SAMD4A: variants seen among roughly 807,000 people sequenced by gnomAD.
SAMD4A encodes sterile alpha motif domain containing 4A.
In SAMD4A, 33 loss-of-function variants were observed where a neutral mutation model predicts 81.3. The ratio of observed to expected loss-of-function variants is 0.41; its 90% CI spans 0.31 to 0.54. The LOEUF (loss-of-function observed/expected upper bound fraction) is 0.54. Among genes scored for constraint, SAMD4A ranks in the 20% least tolerant of loss-of-function variants. The pLI, the probability that SAMD4A is intolerant of heterozygous loss-of-function variation, is 0.37. For missense variants in SAMD4A, 854 were observed against 951.1 expected, an observed-to-expected ratio of 0.90 and a Z score of 1.34; for synonymous variants, 389 against 382.1, an observed-to-expected ratio of 1.02 and a Z score of -0.21.
intron 2 of SAMD4A, among the ~76,000 whole-genome samples, chr14:54,623,483 CAAAAAAAAAAAAA>C (rs59768858): frequency 2.6e-4 from 12 of 45,952 alleles, no homozygotes; most frequent in African/African-American, 4.9e-4. Flanking sequence ...TGGACATCAG[CAAAAAAAAAAAAA>C]AAAAAAAAAA....
At chr14:54,733,000 G>T (rs547449719) in intron 3 of SAMD4A, among the ~76,000 whole-genome samples, 1 of 152,262 alleles carries the variant, frequency 6.6e-6, no homozygotes, top group South Asian at 2.1e-4. Flanking sequence ...ATACTTAAAT[G>T]AACAGAATGC....
chr14:54,704,973 G>A (rs1336107202), intron 3 of SAMD4A, among the ~76,000 whole-genome samples: 1 of 152,128 alleles, frequency 6.6e-6, no homozygotes, highest in African/African-American at 2.4e-5. Context: ...CAAGGACTTT[G>A]GCATCAACGC....
chr14:54,678,780 C>G (rs2036060224), intron 2 of SAMD4A, among the ~76,000 whole-genome samples: 1 of 152,102 alleles, frequency 6.6e-6, no homozygotes, highest in Non-Finnish European at 1.5e-5. Context: ...GATCTCCTGA[C>G]CTCGTGATCC....
chr14:54,720,481 T>A (rs115990221), intron 3 of SAMD4A, among the ~76,000 whole-genome samples: 9 of 152,226 alleles, frequency 5.9e-5, no homozygotes, highest in African/African-American at 1.9e-4. Context: ...ACCTGGCTGT[T>A]TTTGTGGGAC....
chr14:54,764,858 TG>T (rs1455580346), intron 8 of SAMD4A, among the ~76,000 whole-genome samples: 1 of 152,220 alleles, frequency 6.6e-6, no homozygotes, highest in Non-Finnish European at 1.5e-5. Flanking sequence ...TGCTTAGCCC[TG>T]GGCATTGTCA....
intron 4 of SAMD4A, among the ~76,000 whole-genome samples, chr14:54,741,913 G>A (rs1201403013): frequency 6.6e-6 from 1 of 152,090 alleles, no homozygotes; most frequent in Admixed American, 6.5e-5. Context: ...GTCTGGAGAG[G>A]GAGAAACCAG....
At chr14:54,566,381 TC>T (rs1394791255), upstream of SAMD4A, among the ~76,000 whole-genome samples, 1 of 151,482 alleles carries the variant, frequency 6.6e-6, no homozygotes, top group Non-Finnish European at 1.5e-5. Context: ...CCCGGGGGCT[TC>T]CCCCTCCGCC....
chr14:54,758,778 T>C (rs1218859032), intron 6 of SAMD4A, among the ~76,000 whole-genome samples: 6 of 152,048 alleles, frequency 3.9e-5, no homozygotes, highest in Non-Finnish European at 8.8e-5. Flanking sequence ...TGCAGTGGGC[T>C]GAGATCATGC....
At chr14:54,775,508 C>T (rs2038819925) in intron 10 of SAMD4A, among the ~76,000 whole-genome samples, 1 of 152,194 alleles carries the variant, frequency 6.6e-6, no homozygotes, top group Non-Finnish European at 1.5e-5. Context: ...GCAAAAAGCT[C>T]CTTTGTCTCA....
intron 2 of SAMD4A, among the ~76,000 whole-genome samples, chr14:54,590,308 G>A (rs935169948): frequency 2.0e-5 from 3 of 152,034 alleles, no homozygotes; most frequent in Admixed American, 6.5e-5. Context: ...GGGCAAAATC[G>A]TGAGACTTCA....
chr14:54,658,323 G>T (rs532218886), intron 2 of SAMD4A, among the ~76,000 whole-genome samples: 1 of 152,188 alleles, frequency 6.6e-6, no homozygotes, highest in South Asian at 2.1e-4. Context: ...AAAATAAAAA[G>T]AGCATGTAAC....
intron 3 of SAMD4A, among the ~76,000 whole-genome samples, chr14:54,730,200 C>A (rs1017777855): frequency 1.3e-5 from 2 of 152,200 alleles, no homozygotes; most frequent in Admixed American, 1.3e-4. Context: ...CAAGGACTCA[C>A]GGTACTAGGA....
intron 2 of SAMD4A, among the ~76,000 whole-genome samples, chr14:54,657,245 CCTAT>C (rs1297344727): frequency 2.6e-5 from 4 of 152,190 alleles, no homozygotes; most frequent in African/African-American, 9.6e-5. Flanking sequence ...CCATCTACCA[CCTAT>C]CTGTGACATA....
chr14:54,729,475 T>C (rs993821850), intron 3 of SAMD4A, among the ~76,000 whole-genome samples: 1 of 152,190 alleles, frequency 6.6e-6, no homozygotes, highest in Non-Finnish European at 1.5e-5. Flanking sequence ...AAAAGAAATA[T>C]CGGCTTAAAT....
chr14:54,576,272 G>A (rs146054708), intron 2 of SAMD4A, among the ~76,000 whole-genome samples: 2 of 152,176 alleles, frequency 1.3e-5, no homozygotes, highest in South Asian at 2.1e-4. Context: ...CTGTGTATGT[G>A]CACCAAACAT....
intron 2 of SAMD4A, among the ~76,000 whole-genome samples, chr14:54,653,674 A>G (rs1047823864): frequency 6.6e-6 from 1 of 152,082 alleles, no homozygotes; most frequent in Non-Finnish European, 1.5e-5. Flanking sequence ...TTCTTGACAC[A>G]TGAAAATAGG....
At chr14:54,717,440 C>CAA (rs921636353) in intron 3 of SAMD4A, among the ~76,000 whole-genome samples, 51 of 98,938 alleles carry the variant, frequency 5.2e-4, no homozygotes, top group African/African-American at 1.6e-3. Flanking sequence ...GACCCTGTCT[C>CAA]AAAAAAAAAA....
intron 2 of SAMD4A, among the ~76,000 whole-genome samples, chr14:54,654,024 A>C (rs2140434913): frequency 6.6e-6 from 1 of 152,336 alleles, no homozygotes; most frequent in Middle Eastern, 3.4e-3. Context: ...TTATTGCCAA[A>C]AGAAGACACA....
chr14:54,756,847 A>G (rs1042752804), intron 6 of SAMD4A, among the ~76,000 whole-genome samples: 10 of 152,228 alleles, frequency 6.6e-5, no homozygotes, highest in African/African-American at 2.4e-4. Flanking sequence ...TAAGTCAGGA[A>G]GTAATTTCCT....
Sources: allele counts gnomAD v4.1 joint callset (sites outside exome capture counted in the v4.1 genomes callset), GRCh38; gene constraint gnomAD v4.1.1; transcripts MANE v1.5; gene names NCBI Gene and HGNC (gene_info 2026-07-23, HGNC 2026-07-21).